Variants in BRD4 observed in about 807,000 individuals in gnomAD.
BRD4 encodes bromodomain-containing protein 4.
BRD4 carries 16 observed loss-of-function variants against 142.1 expected under a neutral mutation model. The observed-to-expected ratio is 0.11, with a 90% confidence interval of 0.08 to 0.17. BRD4 has a LOEUF of 0.17. Ranked by LOEUF, BRD4 falls within the 10% of genes least tolerant of loss-of-function variation. The probability of loss-of-function intolerance (pLI) is 1.00; values close to 1 mark genes in which losing one functional copy is unlikely to be tolerated. For missense variants in BRD4, 1,424 were observed against 1,810.9 expected, an observed-to-expected ratio of 0.79 and a Z score of 3.88; for synonymous variants, 833 against 707.5, an observed-to-expected ratio of 1.18 and a Z score of -2.82.
intron 1 of BRD4, among the ~76,000 whole-genome samples, chr19:15,281,230 C>G (rs888099918): frequency 4.6e-5 from 7 of 152,186 alleles, no homozygotes; most frequent in Admixed American, 3.9e-4. Context: ...GCCCCCCACC[C>G]CTTGGACCAG....
chr19:15,276,498 A>ACT lies in BRD4; in HGVS notation c.-34-3367_-34-3366dup, dbSNP rs141468815. ...GATGGATGCAGACATAGGCTCACAG[A>ACT]CTCTCTCTCTCTCTCTCTCTGGCCC... On this transcript the variant is annotated intron_variant, in intron 1 of 19. Coordinates refer to ENST00000679869, the MANE Select transcript of BRD4 (RefSeq NM_001379291.1). Among the ~76,000 whole-genome samples the ACT allele has an allele frequency of 2.1e-3, 312 of 145,558 alleles. 2 individuals are homozygous for ACT. Among genetic ancestry groups the ACT allele is most frequent in the East Asian group, 0.015 (73 of 4,958 alleles).
At chr19:15,261,312 C>T (rs2047468578) in intron 7 of BRD4, among the ~76,000 whole-genome samples, 1 of 152,080 alleles carries the variant, frequency 6.6e-6, no homozygotes, top group African/African-American at 2.4e-5. Context: ...GGCAAAACCC[C>T]CTCTCTACTA....
chr19:15,293,974 T>G (rs1256200523), intron 1 of BRD4, among the ~76,000 whole-genome samples: 1 of 152,246 alleles, frequency 6.6e-6, no homozygotes, highest in African/African-American at 2.4e-5. Context: ...TGTGATATTG[T>G]GAAATACATA....
At chr19:15,298,872 A>G (rs1311509223) in intron 1 of BRD4, among the ~76,000 whole-genome samples, 3 of 152,084 alleles carry the variant, frequency 2.0e-5, no homozygotes, top group East Asian at 1.9e-4. Context: ...GTCTCACACT[A>G]AGACATCCCC....
rs201646539 is a variant in BRD4, at chr19:15,239,803, C to T, written c.3301G>A (p.Val1101Met). Reference protein sequence around the residue: ...PKKQELRAASVVQPQPLVVVK... With the variant: ...PKKQELRAASMVQPQPLVVVK... ...ACCACGAGGGGCTGGGGCTGGACCACGGAGGCAGCACGCAGCTCCTGGGAT... is the reference window on the plus strand; with the variant it reads ...ACCACGAGGGGCTGGGGCTGGACCATGGAGGCAGCACGCAGCTCCTGGGAT... The change falls in exon 16 of 20, where the codon GTG becomes ATG. Residue 1101 changes from valine (V) to methionine (M), a missense_variant. This residue lies in a region of BRD4 where 598 missense variants were observed against 647.8 expected (regional missense o/e 0.92). Coordinates refer to ENST00000679869, the MANE Select transcript of BRD4 (RefSeq NM_001379291.1). The surrounding 1 kb of genome is among the most constrained non-coding windows in gnomAD (Gnocchi z 7.4). 6 of 1,613,408 alleles carry T rather than the reference C, an allele frequency of 3.7e-6. No homozygotes were observed. Among genetic ancestry groups the T allele is most frequent in the South Asian group, 2.2e-5 (2 of 91,080 alleles).
intron 1 of BRD4, among the ~76,000 whole-genome samples, chr19:15,315,156 T>C (rs2048005789): frequency 6.6e-6 from 1 of 152,062 alleles, no homozygotes; most frequent in Non-Finnish European, 1.5e-5. Context: ...GGCTTTGTTT[T>C]TTTTTTCCCC....
At chr19:15,249,241 G>A in intron 11 of BRD4, 1 of 1,613,972 alleles carries the variant, frequency 6.2e-7, no homozygotes, top group African/African-American at 1.3e-5. Context: ...AAGGAATCTG[G>A]AACTGAAGAC....
intron 1 of BRD4, among the ~76,000 whole-genome samples, chr19:15,315,433 T>A (rs562297332): frequency 6.6e-6 from 1 of 152,008 alleles, no homozygotes; most frequent in African/African-American, 2.4e-5. Flanking sequence ...GCATTGGACA[T>A]GGATGTTGAC....
In BRD4 at chr19:15,237,499, C is replaced by A. The variant is rs199726418; in HGVS notation, c.*878G>T. On this transcript the variant is annotated 3_prime_UTR_variant, in exon 20 of 20. Transcript: ENST00000679869. ...AGCCACGGTCACACACTACCCACAG[C>A]GCGGTGGCAGCCGCTGCTCAATGAG... 1 of 225,838 alleles carries A rather than the reference C, an allele frequency of 4.4e-6. No individual in the cohort carries two copies. Among genetic ancestry groups the A allele is most frequent in the Non-Finnish European group, 8.8e-6 (1 of 113,738 alleles). The allele number at this position is 225,838 out of a possible 1,614,324, so 14.0% of individuals were successfully genotyped here. A position where few individuals can be genotyped will look rare whatever the true frequency, so the allele number is the denominator to read the frequency against.
rs1274016432 is a variant in BRD4, at chr19:15,288,565, C to T, written c.-34-15432G>A. Among the ~76,000 whole-genome samples the T allele has an allele frequency of 2.6e-5, 4 of 152,200 alleles. No homozygotes were observed. In the East Asian group the frequency reaches 7.7e-4, roughly 29 times the overall value. Reference sequence around the variant, plus strand: ...GACACTGCCCTAAGCCCATCCACACCCTCCGCTGGCTTCTCCTGCTGGTGT... The same window carrying T: ...GACACTGCCCTAAGCCCATCCACACTCTCCGCTGGCTTCTCCTGCTGGTGT... On this transcript the variant is annotated intron_variant, in intron 1 of 19. Transcript: ENST00000679869.
In BRD4 at chr19:15,243,248, G is replaced by C; in HGVS notation, c.2821C>G (p.Pro941Ala). Residue 941 changes from proline to alanine, a missense_variant, in exon 14 of 20, where the codon CCT becomes GCT. Around this residue, in one of 16 missense-constraint regions of BRD4, gnomAD observed 598 missense variants for 647.8 expected, o/e 0.92. Coordinates refer to ENST00000679869, the MANE Select transcript of BRD4 (RefSeq NM_001379291.1). ...TTCACGGAAGGGAGTAGCGGCGTAG[G>C]GGGCTGCACCTTCTGCAGCTGCTGC... is the stretch of plus-strand genomic sequence containing the variant. ...YLQQLQKVQP[P>A]TPLLPSVKVQ... The C allele has an allele frequency of 6.9e-7, 1 of 1,450,204 alleles. No homozygotes were observed. The highest frequency in any genetic ancestry group is 9.2e-7 in the Non-Finnish European group (1 of 1,084,898). The allele number at this position is 1,450,204 out of a possible 1,614,324, so 89.8% of individuals were successfully genotyped here.
chr19:15,239,055 C>A lies in BRD4; in HGVS notation c.3782+4G>T, dbSNP rs2145499477. On this transcript the variant is annotated splice_donor_region_variant and intron_variant, in intron 18 of 19. Coordinates refer to ENST00000679869, the MANE Select transcript of BRD4 (RefSeq NM_001379291.1). The surrounding 1 kb of genome is among the most constrained non-coding windows in gnomAD (Gnocchi z 7.4). ...CCCCATGCCCCACCCAGACACCCGC[C>A]CACCTCATGCGCTCCTGCCGCAGCC... 1 of 1,587,008 alleles carries A rather than the reference C, an allele frequency of 6.3e-7. No homozygotes were observed. The highest frequency in any genetic ancestry group is 1.1e-5 in the South Asian group (1 of 88,926).
In BRD4 at chr19:15,244,714, T is replaced by C; in HGVS notation, c.2207A>G (p.Lys736Arg). The C allele has an allele frequency of 6.2e-7, 1 of 1,614,134 alleles. No homozygotes were observed. Among genetic ancestry groups the C allele is most frequent in the Non-Finnish European group, 8.5e-7 (1 of 1,180,006 alleles). The part of the protein sequence containing the change: ...KKKGHPGREQ[K>R]KHHHHHHQQM... Reference sequence around the variant, plus strand: ...GATGCCCCTGAGCCCATGTACCTTCTTCTGCTCCCTCCCGGGGTGCCCCTT... The same window carrying C: ...GATGCCCCTGAGCCCATGTACCTTCCTCTGCTCCCTCCCGGGGTGCCCCTT... Residue 736 changes from lysine (K) to arginine (R), a missense_variant, in exon 12 of 20, where the codon AAG becomes AGG. Coordinates refer to ENST00000679869, the MANE Select transcript of BRD4 (RefSeq NM_001379291.1).
At chr19:15,260,592 G>A (rs535781001) in intron 7 of BRD4, among the ~76,000 whole-genome samples, 1 of 152,170 alleles carries the variant, frequency 6.6e-6, no homozygotes, top group African/African-American at 2.4e-5. Context: ...CTGGGCCAGA[G>A]GCAGCCCACC....
intron 1 of BRD4, among the ~76,000 whole-genome samples, chr19:15,284,573 C>T (rs2047727088): frequency 6.6e-6 from 1 of 152,206 alleles, no homozygotes; most frequent in Admixed American, 6.5e-5. Flanking sequence ...TTCCAGGCAA[C>T]ATTAACTTCA....
At chr19:15,331,886 C>CCTT (rs1302497516) in intron 1 of BRD4, 2 of 146,670 alleles carry the variant, frequency 1.4e-5, no homozygotes, top group Non-Finnish European at 3.0e-5. Flanking sequence ...TCCTCCTCCT[C>CCTT]CTCCTCCTCA....
chr19:15,247,890 G>A (rs1421563759), intron 11 of BRD4: 1 of 228,490 alleles, frequency 4.4e-6, no homozygotes, highest in Non-Finnish European at 8.7e-6. Context: ...GGAGGCCCTG[G>A]TGAGGCCAGG....
intron 1 of BRD4, among the ~76,000 whole-genome samples, chr19:15,282,307 T>C (rs1488691025): frequency 6.6e-6 from 1 of 152,206 alleles, no homozygotes; most frequent in Non-Finnish European, 1.5e-5. Flanking sequence ...GGTAAGAGAA[T>C]GTGATGTTAC....
chr19:15,303,937 T>C (rs919510507), intron 1 of BRD4, among the ~76,000 whole-genome samples: 1 of 152,188 alleles, frequency 6.6e-6, no homozygotes, highest in Non-Finnish European at 1.5e-5. Flanking sequence ...ACAGACTCCA[T>C]GCAGAATGCT....
Sources: gnomAD v4.1 joint callset for allele counts (sites outside exome capture counted in the v4.1 genomes callset) on GRCh38, gnomAD v4.1.1 for gene constraint, gnomAD v4.1.1 regional missense constraint, Gnocchi (gnomAD v3.1) non-coding constraint, MANE v1.5 for transcripts, NCBI Gene and HGNC (gene_info 2026-07-23, HGNC 2026-07-21) for gene names.